Variants in SPAG16 observed in about 807,000 individuals in gnomAD.
The protein encoded by SPAG16 is sperm associated antigen 16, also known as sperm-associated antigen 16 protein.
In SPAG16, 86 loss-of-function variants were observed where a neutral mutation model predicts 80.4. The ratio of observed to expected loss-of-function variants is 1.07; its 90% confidence interval spans 0.90 to 1.28. The LOEUF is 1.28. Ranked by LOEUF, SPAG16 falls within the 50% of genes most tolerant of loss-of-function variation. SPAG16 has a pLI of 0.00. For missense variants in SPAG16, 870 were observed against 765.3 expected (o/e 1.14, Z -1.61); for synonymous variants, 294 against 265.9 (o/e 1.11, Z -1.03).
chr2:213,771,670 T>C (rs2125553513), intron 10 of SPAG16, among the ~76,000 whole-genome samples: 1 of 152,316 alleles, frequency 6.6e-6, no homozygotes, highest in East Asian at 1.9e-4. Context: ...TTTCTGTATA[T>C]GGCTAGTCAG....
chr2:213,669,668 C>A (rs2063744877), intron 10 of SPAG16, among the ~76,000 whole-genome samples: 1 of 152,152 alleles, frequency 6.6e-6, no homozygotes, highest in Admixed American at 6.5e-5. Flanking sequence ...ATGGTTTTCA[C>A]ATTGGGAGTA....
intron 15 of SPAG16, among the ~76,000 whole-genome samples, chr2:214,188,811 A>G (rs1028934987): frequency 2.6e-5 from 4 of 152,068 alleles, no homozygotes; most frequent in African/African-American, 9.7e-5. Flanking sequence ...CAACACATCT[A>G]TTTTTTAACT....
At chr2:213,425,432 C>T (rs1364143374) in intron 9 of SPAG16, among the ~76,000 whole-genome samples, 1 of 151,842 alleles carries the variant, frequency 6.6e-6, no homozygotes, top group East Asian at 1.9e-4. Context: ...GGTGGATTGC[C>T]TGAGGTCAGG....
chr2:214,184,165 T>C (rs956527397), intron 15 of SPAG16, among the ~76,000 whole-genome samples: 1 of 152,134 alleles, frequency 6.6e-6, no homozygotes, highest in African/African-American at 2.4e-5. Flanking sequence ...TTCACTGACA[T>C]GTGGTAAACA....
chr2:213,563,754 TTTCTC>T (rs1267075393), intron 10 of SPAG16, among the ~76,000 whole-genome samples: 1 of 152,190 alleles, frequency 6.6e-6, no homozygotes, highest in Non-Finnish European at 1.5e-5. Flanking sequence ...GTTTTTCTCG[TTTCTC>T]TTGTTATTGT....
At chr2:213,364,626 G>A (rs572662574) in intron 8 of SPAG16, 1 of 152,314 alleles carries the variant, frequency 6.6e-6, no homozygotes, top group African/African-American at 2.4e-5. Flanking sequence ...AGAGACCCTA[G>A]TTCACAGCTT....
intron 10 of SPAG16, among the ~76,000 whole-genome samples, chr2:213,791,232 G>A (rs2070681342): frequency 1.3e-5 from 2 of 151,750 alleles, no homozygotes. Context: ...ATGTGTGTGT[G>A]GGTTTGTTTT....
intron 15 of SPAG16, among the ~76,000 whole-genome samples, chr2:214,167,840 A>C (rs1576399405): frequency 6.6e-6 from 1 of 151,056 alleles, no homozygotes; most frequent in Non-Finnish European, 1.5e-5. Context: ...ATGTACAGGG[A>C]CAGTAGAACA....
intron 10 of SPAG16, among the ~76,000 whole-genome samples, chr2:213,817,594 A>G (rs1004242263): frequency 6.6e-6 from 1 of 152,178 alleles, no homozygotes; most frequent in African/African-American, 2.4e-5. Context: ...GGTGCCCATC[A>G]ACAGTGGATT....
chr2:213,446,068 T>C lies in SPAG16; in HGVS notation c.943-43895T>C, dbSNP rs549355444. On this transcript the variant is annotated intron_variant, in intron 9 of 15. Transcript: ENST00000331683. ...CAACATAGTCAAACCCTAAAGAGCA[T>C]CAAAGAATATAAAAGCAGAAAGGCC... 2.0e-5 allele frequency among the ~76,000 whole-genome samples: 3 copies of C among 152,034 alleles called. No individual in the cohort carries two copies. The South Asian group carries it at 6.2e-4, about 32-fold the overall frequency.
At chr2:213,585,113 T>C (rs1437517563) in intron 10 of SPAG16, among the ~76,000 whole-genome samples, 2 of 149,382 alleles carry the variant, frequency 1.3e-5, no homozygotes, top group Admixed American at 1.3e-4. Context: ...TGCTTGAACC[T>C]GGGAGGTAGA....
chr2:213,655,493 A>G (rs947601857), intron 10 of SPAG16, among the ~76,000 whole-genome samples: 1 of 152,230 alleles, frequency 6.6e-6, no homozygotes, highest in African/African-American at 2.4e-5. Flanking sequence ...GGATGAAAAA[A>G]ATTGATTTAC....
chr2:213,512,344 T>A (rs1050680633), intron 10 of SPAG16, among the ~76,000 whole-genome samples: 2 of 152,170 alleles, frequency 1.3e-5, no homozygotes, highest in East Asian at 3.8e-4. Flanking sequence ...AGTTGTCATA[T>A]CGTATTGCAA....
At chr2:213,527,120 C>A (rs1423888217) in intron 10 of SPAG16, among the ~76,000 whole-genome samples, 2 of 152,162 alleles carry the variant, frequency 1.3e-5, no homozygotes, top group African/African-American at 2.4e-5. Context: ...GACAGTGAAT[C>A]TTTTGCCTCC....
chr2:214,122,950 TTA>T (rs1170910711), intron 14 of SPAG16, among the ~76,000 whole-genome samples: 1 of 151,960 alleles, frequency 6.6e-6, no homozygotes, highest in African/African-American at 2.4e-5. Context: ...AAAAATAATT[TTA>T]TATCTCAAGC....
At chr2:213,730,138 C>A (rs1042195976) in intron 10 of SPAG16, among the ~76,000 whole-genome samples, 9 of 152,150 alleles carry the variant, frequency 5.9e-5, no homozygotes, top group Admixed American at 2.6e-4. Context: ...AGCTCGTCCA[C>A]TTTGCAGATT....
chr2:213,881,538 A>G (rs1559549011), intron 11 of SPAG16, among the ~76,000 whole-genome samples: 1 of 152,212 alleles, frequency 6.6e-6, no homozygotes, highest in Non-Finnish European at 1.5e-5. Context: ...CTCACAGTTC[A>G]GCATGGCTGG....
intron 10 of SPAG16, among the ~76,000 whole-genome samples, chr2:213,498,033 G>A (rs1293121716): frequency 6.6e-6 from 1 of 152,032 alleles, no homozygotes; most frequent in Admixed American, 6.6e-5. Flanking sequence ...CAGAGAAGAT[G>A]GTTTAGAACA....
chr2:213,939,315 A>G (rs895389250), intron 12 of SPAG16, among the ~76,000 whole-genome samples: 1 of 152,204 alleles, frequency 6.6e-6, no homozygotes, highest in African/African-American at 2.4e-5. Flanking sequence ...TGGAGCTTAC[A>G]TTACAGAAAA....
Sources: gnomAD v4.1 joint callset for allele counts (sites outside exome capture counted in the v4.1 genomes callset) on GRCh38, gnomAD v4.1.1 for gene constraint, MANE v1.5 for transcripts, NCBI Gene and HGNC (gene_info 2026-07-23, HGNC 2026-07-21) for gene names.